The following PAPSS2 variants were observed in gnomAD, a reference collection of about 807,000 sequenced individuals.
PAPSS2 encodes the protein bifunctional 3'-phosphoadenosine 5'-phosphosulfate synthase 2.
A neutral mutation model predicts 66.5 loss-of-function variants in PAPSS2; 61 were observed. The ratio of observed to expected loss-of-function variants is 0.92; its 90% CI spans 0.75 to 1.14. The LOEUF is 1.14. PAPSS2 is among the 50% of genes most tolerant of loss of function. The pLI is 0.00. For synonymous variants in PAPSS2, 289 were observed against 287.5 expected, an observed-to-expected ratio of 1.01 and a Z score of -0.05; for missense variants, 708 against 789.6, an observed-to-expected ratio of 0.90 and a Z score of 1.24.
chr10:87,714,002 C>T (rs778905249), intron 3 of PAPSS2, 42 bp from the exon 4 acceptor site: 33 of 1,608,530 alleles, frequency 2.1e-5, no homozygotes, highest in East Asian at 6.7e-5. Flanking sequence ...AGAATTTCAC[C>T]GTGAAACCTC....
chr10:87,704,286 T>C (rs1222668097), intron 1 of PAPSS2, among the ~76,000 whole-genome samples: 3 of 152,244 alleles, frequency 2.0e-5, no homozygotes, highest in Non-Finnish European at 4.4e-5. Flanking sequence ...GATTAAATAC[T>C]ATGTTAGAGT....
intron 1 of PAPSS2, among the ~76,000 whole-genome samples, chr10:87,673,689 C>CTTTTTTTTTTT (rs34935261): frequency 1.5e-5 from 1 of 67,424 alleles, no homozygotes; most frequent in Non-Finnish European, 2.9e-5. Flanking sequence ...TTTTGGCTTA[C>CTTTTTTTTTTT]TTTTTTTTTT....
In PAPSS2 at chr10:87,719,522, T is replaced by TAA. The variant is rs577664039; in HGVS notation, c.866-2233_866-2232dup. 7.9e-5 allele frequency among the ~76,000 whole-genome samples: 12 copies of TAA among 152,310 alleles called. No homozygotes were observed. The East Asian group carries it at 2.3e-3, about 29-fold the overall frequency. ...ACCGTAGTCCCAGCTACTCAGAGCC[T>TAA]AAGGCGGGAGGATCACTTGAGCCCA... On this transcript the variant is annotated intron_variant, in intron 7 of 12. Transcript: ENST00000456849.
At chr10:87,715,877 G>T in intron 7 of PAPSS2, 34 bp downstream of exon 7, 1 of 1,327,388 alleles carries the variant, frequency 7.5e-7, no homozygotes, top group East Asian at 2.4e-5. Context: ...ACTCTTTGTT[G>T]TTAAGGAAAA....
intron 1 of PAPSS2, among the ~76,000 whole-genome samples, chr10:87,672,652 A>G (rs1852892730): frequency 6.6e-6 from 1 of 152,138 alleles, no homozygotes; most frequent in Non-Finnish European, 1.5e-5. Context: ...AGCAGTGACT[A>G]CTTAAAAAAA....
chr10:87,680,859 A>G (rs1258848758), intron 1 of PAPSS2, among the ~76,000 whole-genome samples: 1 of 152,054 alleles, frequency 6.6e-6, no homozygotes, highest in Non-Finnish European at 1.5e-5. Context: ...TACGTTATAC[A>G]ATCTTTTGTG....
At chr10:87,731,320 G>A (rs1024341004) in intron 9 of PAPSS2, among the ~76,000 whole-genome samples, 4 of 152,126 alleles carry the variant, frequency 2.6e-5, no homozygotes, top group African/African-American at 9.7e-5. Context: ...GAGACCGACT[G>A]CTCAAAAAAA....
intron 1 of PAPSS2, among the ~76,000 whole-genome samples, chr10:87,686,004 G>C (rs948084656): frequency 6.6e-6 from 1 of 152,158 alleles, no homozygotes; most frequent in Admixed American, 6.5e-5. Flanking sequence ...GTGATGACGA[G>C]AGAGCAGGAA....
At chr10:87,736,642 A>G (rs1050205331) in intron 9 of PAPSS2, among the ~76,000 whole-genome samples, 2 of 152,224 alleles carry the variant, frequency 1.3e-5, no homozygotes, top group African/African-American at 4.8e-5. Flanking sequence ...CAGAGCAAGA[A>G]TACAAATGGA....
chr10:87,694,701 G>A (rs1299247537), intron 1 of PAPSS2, among the ~76,000 whole-genome samples: 1 of 152,228 alleles, frequency 6.6e-6, no homozygotes, highest in Non-Finnish European at 1.5e-5. Context: ...TAAGGATTAG[G>A]ACTTTGTTCT....
chr10:87,659,879 G>A lies in PAPSS2; in HGVS notation c.-103G>A, dbSNP rs1852723408. The A allele has an allele frequency of 5.8e-6, 7 of 1,198,428 alleles. No individual in the cohort carries two copies. The East Asian group carries it at 1.7e-4, about 29-fold the overall frequency. 74.2% of individuals were successfully genotyped at this position (1,198,428 alleles called of 1,614,324 possible). A position where few individuals can be genotyped will look rare whatever the true frequency, so the allele number is the denominator to read the frequency against. ...ATACCTCCTTCCCGGGAGTCCGGCA[G>A]CCGCTGCTGCTGCTGCTGCTGCTGC... is the stretch of plus-strand genomic sequence containing the variant. On this transcript the variant is annotated 5_prime_UTR_variant, in exon 1 of 13. Transcript: ENST00000456849.
intron 11 of PAPSS2, among the ~76,000 whole-genome samples, chr10:87,744,722 G>C (rs1853914656): frequency 6.6e-6 from 1 of 152,196 alleles, no homozygotes; most frequent in Non-Finnish European, 1.5e-5. Flanking sequence ...AGAATAGTAA[G>C]ATTTGAGTGT....
At chr10:87,675,146 T>C (rs749124022) in intron 1 of PAPSS2, among the ~76,000 whole-genome samples, 47 of 152,258 alleles carry the variant, frequency 3.1e-4, no homozygotes, top group Non-Finnish European at 6.0e-4. Context: ...GAATCTTTTC[T>C]AGTAATGACT....
At position 87,743,375 on chromosome 10, in the gene PAPSS2, G is replaced by A. The variant is rs747603601; in HGVS notation, c.1225G>A (p.Ala409Thr). 2.5e-5 allele frequency: 40 copies of A among 1,613,502 alleles called. No homozygotes were observed. The South Asian group carries it at 3.7e-4, about 15-fold the overall frequency. ...CTTCTTCTGCTTTCCTCTCCCAGAT[G>A]CGGTGTTTGCATTCCAGTTGCGCAA... is the stretch of plus-strand genomic sequence containing the variant. The part of the protein sequence containing the change: ...KQKCKEMNAD[A>T]VFAFQLRNPV... The change falls in exon 11 of 13, where the codon GCG becomes ACG. Residue 409 changes from alanine (A) to threonine (T), a missense_variant and splice_region_variant. Physicochemically the swap from Ala to Thr is moderately conservative, Grantham distance 58. Coordinates refer to ENST00000456849, the MANE Select transcript of PAPSS2 (RefSeq NM_001015880.2).
chr10:87,704,311 A>G (rs1853354726), intron 1 of PAPSS2, among the ~76,000 whole-genome samples: 1 of 152,228 alleles, frequency 6.6e-6, no homozygotes, highest in Admixed American at 6.5e-5. Flanking sequence ...CCTTCTAATT[A>G]ATTTTGAACT....
chr10:87,674,796 C>T (rs1852925377), intron 1 of PAPSS2, among the ~76,000 whole-genome samples: 1 of 152,092 alleles, frequency 6.6e-6, no homozygotes, highest in African/African-American at 2.4e-5. Context: ...TTTTAAAAAG[C>T]ATTTTGTTAC....
chr10:87,667,556 C>T (rs7084210), intron 1 of PAPSS2, among the ~76,000 whole-genome samples: 2,396 of 152,260 alleles, frequency 0.016, 60 homozygotes, highest in African/African-American at 0.055. Flanking sequence ...TATAAGTTGC[C>T]TCTGATGACA....
At chr10:87,700,002 A>G (rs1219612789) in intron 1 of PAPSS2, among the ~76,000 whole-genome samples, 6 of 152,102 alleles carry the variant, frequency 3.9e-5, no homozygotes, top group African/African-American at 1.4e-4. Flanking sequence ...GCATTTTTCC[A>G]TGATTTTCAG....
At chr10:87,716,021 T>G (rs1389762056) in intron 7 of PAPSS2, among the ~76,000 whole-genome samples, 178 bp downstream of exon 7, 1 of 152,204 alleles carries the variant, frequency 6.6e-6, no homozygotes, top group Non-Finnish European at 1.5e-5. Flanking sequence ...TTAGGATTTT[T>G]TGGTTGTTCT....
Sources: gnomAD v4.1 joint callset for allele counts (sites outside exome capture counted in the v4.1 genomes callset) on GRCh38, gnomAD v4.1.1 for gene constraint, MANE v1.5 for transcripts, NCBI Gene and HGNC (gene_info 2026-07-23, HGNC 2026-07-21) for gene names.